The following TMEM132D variants were observed in gnomAD, a reference collection of about 807,000 sequenced individuals.
The protein encoded by TMEM132D is mature OL transmembrane protein.
Under a neutral mutation model 62.3 loss-of-function variants are expected in TMEM132D, and 21 were observed. That is an observed-to-expected ratio of 0.34 (90% confidence interval 0.24 to 0.49). The LOEUF is 0.49. TMEM132D is among the 20% of genes least tolerant of loss of function. TMEM132D has a pLI of 0.99. For missense variants in TMEM132D, 1,346 were observed against 1,402.8 expected (o/e 0.96, Z 0.65); for synonymous variants, 621 against 575.6 (o/e 1.08, Z -1.13).
intron 3 of TMEM132D, among the ~76,000 whole-genome samples, chr12:129,402,564 AC>A (rs1410783753): frequency 6.6e-6 from 1 of 152,130 alleles, no homozygotes; most frequent in African/African-American, 2.4e-5. Flanking sequence ...AAGGACAGGC[AC>A]CATTTCTTTT....
At chr12:129,818,204 C>A (rs1459736503) in intron 1 of TMEM132D, among the ~76,000 whole-genome samples, 4 of 124,144 alleles carry the variant, frequency 3.2e-5, no homozygotes, top group Non-Finnish European at 6.7e-5. Flanking sequence ...CTGTGTGTGC[C>A]TATGAGTGTG....
At chr12:129,083,267 C>T (rs1874511497) in intron 6 of TMEM132D, among the ~76,000 whole-genome samples, 1 of 152,172 alleles carries the variant, frequency 6.6e-6, no homozygotes, top group Admixed American at 6.5e-5. Flanking sequence ...GCTGCTCCCT[C>T]AACATCTGGT....
intron 2 of TMEM132D, among the ~76,000 whole-genome samples, chr12:129,660,492 C>T (rs996232656): frequency 1.3e-5 from 2 of 152,144 alleles, no homozygotes; most frequent in South Asian, 2.1e-4. Context: ...TGGACTGTCA[C>T]GTCCAATGTT....
At chr12:129,443,484 C>T (rs1872998328) in intron 3 of TMEM132D, among the ~76,000 whole-genome samples, 1 of 152,152 alleles carries the variant, frequency 6.6e-6, no homozygotes, top group Non-Finnish European at 1.5e-5. Flanking sequence ...AGCCGAGGAA[C>T]CGTGACGCAA....
intron 1 of TMEM132D, among the ~76,000 whole-genome samples, chr12:129,813,506 C>G (rs1872249940): frequency 6.6e-6 from 1 of 151,308 alleles, no homozygotes; most frequent in African/African-American, 2.4e-5. Flanking sequence ...AGTCCAGCCA[C>G]TCTGGTAAAT....
intron 3 of TMEM132D, among the ~76,000 whole-genome samples, chr12:129,482,773 T>C (rs1874465492): frequency 6.6e-6 from 1 of 152,182 alleles, no homozygotes; most frequent in Admixed American, 6.5e-5. Flanking sequence ...AACATCTTTT[T>C]TTTTTTGCCA....
intron 4 of TMEM132D, among the ~76,000 whole-genome samples, chr12:129,242,807 A>G (rs1442410079): frequency 2.2e-5 from 2 of 91,088 alleles, no homozygotes; most frequent in African/African-American, 7.7e-5. Context: ...ATTTCTAATG[A>G]AGTCCACTGA....
intron 2 of TMEM132D, among the ~76,000 whole-genome samples, chr12:129,537,632 A>G (rs1055311133): frequency 1.3e-5 from 2 of 152,126 alleles, no homozygotes; most frequent in African/African-American, 4.8e-5. Flanking sequence ...CTTCAATGCA[A>G]CCCATTTTTG....
At chr12:129,752,046 G>A (rs1870014572) in intron 1 of TMEM132D, among the ~76,000 whole-genome samples, 1 of 152,114 alleles carries the variant, frequency 6.6e-6, no homozygotes, top group Non-Finnish European at 1.5e-5. Context: ...AAATGATAAT[G>A]AGAGAAATAT....
At chr12:129,613,582 CT>C (rs1368940079) in intron 2 of TMEM132D, among the ~76,000 whole-genome samples, 1 of 152,228 alleles carries the variant, frequency 6.6e-6, no homozygotes, top group Non-Finnish European at 1.5e-5. Context: ...ATGCAGGAGG[CT>C]GCAAATGTCA....
intron 4 of TMEM132D, among the ~76,000 whole-genome samples, chr12:129,223,761 C>T (rs760737062): frequency 2.0e-5 from 3 of 152,182 alleles, no homozygotes; most frequent in Non-Finnish European, 4.4e-5. Flanking sequence ...CTTTTATACT[C>T]TCAAGGATGA....
At chr12:129,758,392 C>T (rs1404048600) in intron 1 of TMEM132D, among the ~76,000 whole-genome samples, 1 of 152,148 alleles carries the variant, frequency 6.6e-6, no homozygotes, top group Non-Finnish European at 1.5e-5. Flanking sequence ...CGGATTATAG[C>T]AGATTTCATG....
intron 1 of TMEM132D, among the ~76,000 whole-genome samples, chr12:129,780,922 C>T (rs1871101715): frequency 6.6e-6 from 1 of 152,156 alleles, no homozygotes; most frequent in Non-Finnish European, 1.5e-5. Context: ...TAGTCAGGAA[C>T]ATTCGTAGTG....
intron 3 of TMEM132D, among the ~76,000 whole-genome samples, chr12:129,508,519 T>C (rs1169830636): frequency 6.6e-6 from 1 of 152,184 alleles, no homozygotes; most frequent in African/African-American, 2.4e-5. Context: ...ACAGAACGTA[T>C]CGCAGAAGAG....
intron 1 of TMEM132D, among the ~76,000 whole-genome samples, chr12:129,782,518 T>C (rs377547258): frequency 6.6e-6 from 1 of 152,210 alleles, no homozygotes; most frequent in Non-Finnish European, 1.5e-5. Context: ...AGTAGCACAA[T>C]GCTTACAAAG....
intron 5 of TMEM132D, among the ~76,000 whole-genome samples, chr12:129,136,536 T>C (rs1475499524): frequency 6.6e-6 from 1 of 152,228 alleles, no homozygotes; most frequent in African/African-American, 2.4e-5. Flanking sequence ...GTACATCATA[T>C]CAGAAGGTAC....
intron 3 of TMEM132D, among the ~76,000 whole-genome samples, chr12:129,515,148 C>A (rs1875634103): frequency 6.6e-6 from 1 of 152,142 alleles, no homozygotes. Context: ...TTTTATTTTA[C>A]TTATTTCTTA....
At chr12:129,308,810 A>G (rs1329658368) in intron 4 of TMEM132D, among the ~76,000 whole-genome samples, 1 of 152,238 alleles carries the variant, frequency 6.6e-6, no homozygotes, top group Non-Finnish European at 1.5e-5. Flanking sequence ...AGAATATTTG[A>G]TGGAATAAAA....
chr12:129,682,402 C>G (rs1451904), intron 2 of TMEM132D, among the ~76,000 whole-genome samples: 1 of 151,872 alleles, frequency 6.6e-6, no homozygotes, highest in Non-Finnish European at 1.5e-5. Flanking sequence ...GAAAGTGTCA[C>G]GACAGGTGCC....
Sources: gnomAD v4.1 joint callset for allele counts (sites outside exome capture counted in the v4.1 genomes callset) on GRCh38, gnomAD v4.1.1 for gene constraint, MANE v1.5 for transcripts, NCBI Gene and HGNC (gene_info 2026-07-23, HGNC 2026-07-21) for gene names.